The following MACROD2 variants were observed in gnomAD, a reference collection of about 807,000 sequenced individuals.
MACROD2 encodes the protein mono-ADP ribosylhydrolase 2.
Under a neutral mutation model 70.4 loss-of-function variants are expected in MACROD2, and 36 were observed. The observed-to-expected ratio is 0.51, with a 90% CI of 0.39 to 0.68. MACROD2 has a LOEUF of 0.68. MACROD2 is among the 30% of genes least tolerant of loss of function. The pLI, the probability that MACROD2 is intolerant of heterozygous loss-of-function variation, is 0.00. For missense variants in MACROD2, 496 were observed against 538.4 expected (o/e 0.92, Z 0.78); for synonymous variants, 172 against 178.8 (o/e 0.96, Z 0.30).
intron 12 of MACROD2, among the ~76,000 whole-genome samples, chr20:15,954,945 A>G (rs1355817597): frequency 1.3e-5 from 2 of 152,220 alleles, no homozygotes; most frequent in South Asian, 4.1e-4. Context: ...GCAATAACAT[A>G]GCTGGCCTGA....
chr20:15,435,233 A>G (rs2046413020), intron 7 of MACROD2, among the ~76,000 whole-genome samples: 1 of 152,182 alleles, frequency 6.6e-6, no homozygotes, highest in South Asian at 2.1e-4. Context: ...AATACAAAAA[A>G]GCAGAAGAAA....
intron 6 of MACROD2, among the ~76,000 whole-genome samples, chr20:15,351,506 A>C (rs2146224581): frequency 6.6e-6 from 1 of 152,300 alleles, no homozygotes; most frequent in Middle Eastern, 3.4e-3. Flanking sequence ...ACTCCACAGG[A>C]AAGAACAGTG....
At chr20:14,976,394 A>G (rs1485243247) in intron 5 of MACROD2, among the ~76,000 whole-genome samples, 1 of 152,030 alleles carries the variant, frequency 6.6e-6, no homozygotes, top group Non-Finnish European at 1.5e-5. Context: ...TTCAAAGCAC[A>G]TCACTCCAGC....
intron 3 of MACROD2, among the ~76,000 whole-genome samples, chr20:14,201,039 ACTT>A (rs1369603115): frequency 6.8e-6 from 1 of 147,884 alleles, no homozygotes; most frequent in Non-Finnish European, 1.5e-5. Context: ...ACACAATTTT[ACTT>A]CTTTTGTGAT....
At chr20:14,500,885 T>A (rs2123122285) in intron 4 of MACROD2, among the ~76,000 whole-genome samples, 1 of 152,312 alleles carries the variant, frequency 6.6e-6, no homozygotes, top group East Asian at 1.9e-4. Context: ...TTCATATTCA[T>A]CTTTATAGCC....
chr20:14,013,674 C>CTTTTTTTTTTTT (rs34386274), intron 2 of MACROD2, among the ~76,000 whole-genome samples: 1 of 70,944 alleles, frequency 1.4e-5, no homozygotes, highest in Non-Finnish European at 2.4e-5. Context: ...TTATATTAAG[C>CTTTTTTTTTTTT]TTTTTTTTTT....
At chr20:15,897,857 T>C (rs1281590676) in intron 10 of MACROD2, among the ~76,000 whole-genome samples, 1 of 152,222 alleles carries the variant, frequency 6.6e-6, no homozygotes. Context: ...TGCACTTGGT[T>C]ATTTCCTCGT....
At chr20:15,787,883 A>G (rs1023930116) in intron 8 of MACROD2, among the ~76,000 whole-genome samples, 1 of 152,212 alleles carries the variant, frequency 6.6e-6, no homozygotes, top group Admixed American at 6.5e-5. Flanking sequence ...CCAAAGGATG[A>G]CAATGATTAT....
intron 8 of MACROD2, among the ~76,000 whole-genome samples, chr20:15,687,021 T>C (rs564722028): frequency 6.7e-6 from 1 of 148,186 alleles, no homozygotes; most frequent in South Asian, 2.1e-4. Flanking sequence ...TTTTTTTGCA[T>C]TTTTTTCCAT....
At chr20:15,832,638 T>A (rs189195146) in intron 8 of MACROD2, among the ~76,000 whole-genome samples, 24 of 152,348 alleles carry the variant, frequency 1.6e-4, no homozygotes, top group Non-Finnish European at 3.1e-4. Context: ...TTATTCATGT[T>A]GTAACAGGAA....
chr20:15,006,182 T>C (rs1432636237), intron 5 of MACROD2, among the ~76,000 whole-genome samples: 2 of 149,888 alleles, frequency 1.3e-5, no homozygotes, highest in East Asian at 3.9e-4. Flanking sequence ...TGTGTGTGTG[T>C]ACGTTGGAAT....
rs115042807 is a variant in MACROD2, at chr20:14,753,144, A to G, written c.418+68185A>G. Among the ~76,000 whole-genome samples, 1,489 of 152,236 alleles carry G rather than the reference A, an allele frequency of 9.8e-3. 35 individuals carry two copies. The highest frequency in any genetic ancestry group is 0.033 in the African/African-American group (1,366 of 41,504). On this transcript the variant is annotated intron_variant, in intron 5 of 17. Transcript: ENST00000684519. Reference sequence around the variant, plus strand: ...TGAACCCACCTCATTCCTGTGACAGAAAACCCCTGCCTCTAAATGAAGCAG... The same window carrying G: ...TGAACCCACCTCATTCCTGTGACAGGAAACCCCTGCCTCTAAATGAAGCAG...
intron 8 of MACROD2, among the ~76,000 whole-genome samples, chr20:15,788,140 A>C (rs2051962376): frequency 6.6e-6 from 1 of 152,090 alleles, no homozygotes; most frequent in Non-Finnish European, 1.5e-5. Context: ...AAGGTGGTAA[A>C]GTCACTGGAA....
chr20:14,694,175 A>G (rs534393491), intron 5 of MACROD2, among the ~76,000 whole-genome samples: 2 of 152,194 alleles, frequency 1.3e-5, no homozygotes, highest in East Asian at 3.8e-4. Context: ...TAGTTCATAC[A>G]TTTTTGAAAT....
intron 3 of MACROD2, among the ~76,000 whole-genome samples, chr20:14,343,193 C>G (rs2083032405): frequency 6.6e-6 from 1 of 151,592 alleles, no homozygotes; most frequent in African/African-American, 2.4e-5. Context: ...TCCTTGACCC[C>G]TTGCCACTCC....
At chr20:14,285,285 C>T (rs943637556) in intron 3 of MACROD2, among the ~76,000 whole-genome samples, 1 of 152,162 alleles carries the variant, frequency 6.6e-6, no homozygotes, top group African/African-American at 2.4e-5. Flanking sequence ...GTAACCATAA[C>T]TTGAAGGTAA....
intron 6 of MACROD2, among the ~76,000 whole-genome samples, chr20:15,365,118 A>G (rs989715436): frequency 3.3e-5 from 5 of 152,076 alleles, no homozygotes; most frequent in Non-Finnish European, 5.9e-5. Context: ...ACCACACATT[A>G]GTTTTTAAAT....
intron 3 of MACROD2, among the ~76,000 whole-genome samples, chr20:14,090,066 T>TC (rs2148671986): frequency 6.6e-6 from 1 of 152,168 alleles, no homozygotes; most frequent in East Asian, 1.9e-4. Context: ...CATTTTTATG[T>TC]CCATGTTTAC....
intron 5 of MACROD2, among the ~76,000 whole-genome samples, chr20:14,707,189 C>T (rs1292845775): frequency 3.3e-5 from 5 of 152,076 alleles, no homozygotes; most frequent in Non-Finnish European, 5.9e-5. Flanking sequence ...ATGGCCAGGG[C>T]GAATGGGCTT....
Sources: allele counts gnomAD v4.1 joint callset (sites outside exome capture counted in the v4.1 genomes callset), GRCh38; gene constraint gnomAD v4.1.1; transcripts MANE v1.5; gene names NCBI Gene and HGNC (gene_info 2026-07-23, HGNC 2026-07-21).